The following SLC5A11 variants were observed in gnomAD, a reference collection of about 807,000 sequenced individuals.
SLC5A11 encodes solute carrier family 5 member 11, also known as sodium/myo-inositol cotransporter 2.
A neutral mutation model predicts 69.8 loss-of-function variants in SLC5A11; 48 were observed. The observed-to-expected ratio is 0.69, with a 90% CI of 0.55 to 0.87. SLC5A11 has a LOEUF of 0.87. Ranked by LOEUF, SLC5A11 falls within the 40% of genes least tolerant of loss-of-function variation. SLC5A11 has a pLI of 0.00. For synonymous variants in SLC5A11, 319 were observed against 342.4 expected, an observed-to-expected ratio of 0.93 and a Z score of 0.75; for missense variants, 784 against 866.1, an observed-to-expected ratio of 0.91 and a Z score of 1.19.
chr16:24,905,018 T>G (rs1188047644), intron 10 of SLC5A11, among the ~76,000 whole-genome samples: 2 of 151,906 alleles, frequency 1.3e-5, no homozygotes, highest in Admixed American at 6.6e-5. Context: ...CAACTCCCAC[T>G]TATGAGTGAG....
At chr16:24,900,009 A>G (rs1320204393) in intron 10 of SLC5A11, among the ~76,000 whole-genome samples, 1 of 152,054 alleles carries the variant, frequency 6.6e-6, no homozygotes, top group Non-Finnish European at 1.5e-5. Flanking sequence ...AGCTGGGTGT[A>G]CTTTTCTTAA....
Position 24,901,171 on chromosome 16 carries a change from A to T in SLC5A11, c.1006+3062A>T, listed in dbSNP as rs544295347. ...TGGGGGTAATATTTTACAAGGCTTAAAGCAGCTCCTGGCACACAGTAAGCT... is the reference window on the plus strand; with the variant it reads ...TGGGGGTAATATTTTACAAGGCTTATAGCAGCTCCTGGCACACAGTAAGCT... On this transcript the variant is annotated intron_variant, in intron 10 of 15. Coordinates refer to ENST00000347898, the Ensembl canonical transcript of SLC5A11. Among the ~76,000 whole-genome samples, 296 of 152,270 alleles carry T rather than the reference A, an allele frequency of 1.9e-3. 4 individuals are homozygous for T. The South Asian group carries it at 0.024, about 13-fold the overall frequency.
chr16:24,877,928 G>A (rs990858164), intron 7 of SLC5A11, among the ~76,000 whole-genome samples: 2 of 152,230 alleles, frequency 1.3e-5, no homozygotes, highest in Non-Finnish European at 1.5e-5. Flanking sequence ...AGGTTGCAGT[G>A]AGCCAAGATC....
At chr16:24,873,243 GAGGGAGGAAGGAAGGA>G (rs1567612704) in intron 5 of SLC5A11, among the ~76,000 whole-genome samples, 2 of 113,828 alleles carry the variant, frequency 1.8e-5, no homozygotes, top group African/African-American at 6.7e-5. Context: ...TGGAGAGAGG[GAGGGAGGAAGGAAGGA>G]AGGAAGGAAG....
intron 1 of SLC5A11, among the ~76,000 whole-genome samples, chr16:24,847,776 G>A (rs1161514046): frequency 3.3e-5 from 5 of 152,110 alleles, no homozygotes; most frequent in Admixed American, 1.3e-4. Context: ...TTTTTTGGGC[G>A]GTCACAGCGT....
At chr16:24,864,063 G>A (rs756215729) in intron 3 of SLC5A11, among the ~76,000 whole-genome samples, 40 of 152,294 alleles carry the variant, frequency 2.6e-4, no homozygotes, top group Admixed American at 1.3e-3. Context: ...GGCAATAACA[G>A]TTTGGCAAAT....
intron 7 of SLC5A11, among the ~76,000 whole-genome samples, chr16:24,883,004 G>A (rs1053295588): frequency 4.6e-5 from 7 of 152,138 alleles, no homozygotes; most frequent in African/African-American, 9.7e-5. Context: ...GCACCATCAC[G>A]ATCCTCTCCA....
chr16:24,903,856 A>G (rs1184731552), intron 10 of SLC5A11, among the ~76,000 whole-genome samples: 1 of 152,116 alleles, frequency 6.6e-6, no homozygotes, highest in Non-Finnish European at 1.5e-5. Flanking sequence ...ATTGATTCCA[A>G]TTGCTTTGGA....
At chr16:24,901,958 G>GCACACACA (rs56126191) in intron 10 of SLC5A11, among the ~76,000 whole-genome samples, 30 of 136,676 alleles carry the variant, frequency 2.2e-4, no homozygotes, top group South Asian at 6.7e-4. Flanking sequence ...ACACACACAC[G>GCACACACA]CACACACACA....
intron 1 of SLC5A11, among the ~76,000 whole-genome samples, chr16:24,852,389 AG>A (rs1264651039): frequency 2.6e-5 from 4 of 152,214 alleles, no homozygotes; most frequent in African/African-American, 9.6e-5. Context: ...AGTGGCCAAA[AG>A]GAAGGGATGA....
chr16:24,904,703 T>C (rs2152412050), intron 10 of SLC5A11, among the ~76,000 whole-genome samples: 1 of 152,318 alleles, frequency 6.6e-6, no homozygotes, highest in South Asian at 2.1e-4. Context: ...AAGTATTTTC[T>C]GATCCTGAGT....
chr16:24,860,370 C>T lies in SLC5A11; in HGVS notation c.135+1592C>T, dbSNP rs1200695022. Among the ~76,000 whole-genome samples, 3 of 152,098 alleles carry T rather than the reference C, an allele frequency of 2.0e-5. No homozygotes were observed. The East Asian group carries it at 5.8e-4, about 29-fold the overall frequency. ...ACTCAGGAGGCTAAGCCAGGAGAAT[C>T]ACTTGAACCTGGGAAGCAGAGGTTG... On this transcript the variant is annotated intron_variant, in intron 2 of 15. Coordinates refer to ENST00000347898, the Ensembl canonical transcript of SLC5A11.
At chr16:24,870,950 A>G (rs185009808) in intron 4 of SLC5A11, among the ~76,000 whole-genome samples, 1 of 152,078 alleles carries the variant, frequency 6.6e-6, no homozygotes, top group Admixed American at 6.5e-5. Context: ...TTTGTTTGCT[A>G]CCTCTGAGAT....
At chr16:24,854,418 C>G (rs953116663) in intron 1 of SLC5A11, among the ~76,000 whole-genome samples, 1 of 151,016 alleles carries the variant, frequency 6.6e-6, no homozygotes, top group Non-Finnish European at 1.5e-5. Context: ...ATCACTCCCC[C>G]TGTAAAGTAA....
At chr16:24,908,715 T>A in intron 13 of SLC5A11, among the ~76,000 whole-genome samples, 166 bp from the exon 15 acceptor site, 1 of 151,976 alleles carries the variant, frequency 6.6e-6, no homozygotes, top group Non-Finnish European at 1.5e-5. Context: ...AGTAATCAAT[T>A]CATTATAAAA....
chr16:24,883,049 A>C (rs2152337994), intron 7 of SLC5A11, among the ~76,000 whole-genome samples: 1 of 152,244 alleles, frequency 6.6e-6, no homozygotes, highest in African/African-American at 2.4e-5. Context: ...CCTAATACTC[A>C]CATCCTTTAT....
At chr16:24,873,240 AG>A (rs1056852412) in intron 5 of SLC5A11, among the ~76,000 whole-genome samples, 5 of 125,984 alleles carry the variant, frequency 4.0e-5, no homozygotes, top group African/African-American at 1.2e-4. Flanking sequence ...GAATGGAGAG[AG>A]GGAGGGAGGA....
At chr16:24,884,830 T>C (rs2152344109) in intron 8 of SLC5A11, among the ~76,000 whole-genome samples, 1 of 152,000 alleles carries the variant, frequency 6.6e-6, no homozygotes, top group South Asian at 2.1e-4. Flanking sequence ...AACCTCTGCC[T>C]CCTGGGCTCA....
At chr16:24,905,325 C>T (rs1454769676) in intron 10 of SLC5A11, among the ~76,000 whole-genome samples, 1 of 147,210 alleles carries the variant, frequency 6.8e-6, no homozygotes, top group African/African-American at 2.5e-5. Flanking sequence ...CCTATAATAC[C>T]AGCTACAGGC....
Sources: allele counts gnomAD v4.1 joint callset (sites outside exome capture counted in the v4.1 genomes callset), GRCh38; gene constraint gnomAD v4.1.1; transcripts MANE v1.5; gene names NCBI Gene and HGNC (gene_info 2026-07-23, HGNC 2026-07-21).